The following EPC2 variants were observed in gnomAD, a reference collection of about 807,000 sequenced individuals.
EPC2 encodes enhancer of polycomb homolog 2.
EPC2 carries 14 observed loss-of-function variants against 92.1 expected under a neutral mutation model. The observed-to-expected ratio is 0.15, with a 90% CI of 0.10 to 0.24. The LOEUF is 0.24. EPC2 is among the 10% of genes least tolerant of loss of function. EPC2 has a pLI of 1.00. For missense variants in EPC2, 755 were observed against 971.5 expected, an observed-to-expected ratio of 0.78 and a Z score of 2.96; for synonymous variants, 340 against 334.7, an observed-to-expected ratio of 1.02 and a Z score of -0.17.
At chr2:148,647,410 T>C (rs1224248842) in intron 1 of EPC2, among the ~76,000 whole-genome samples, 7 of 151,688 alleles carry the variant, frequency 4.6e-5, no homozygotes, top group African/African-American at 1.7e-4. Context: ...CAGGTTCAGG[T>C]GATTTTCCTG....
At chr2:148,709,497 T>C (rs566391372) in intron 2 of EPC2, among the ~76,000 whole-genome samples, 50 of 152,282 alleles carry the variant, frequency 3.3e-4, no homozygotes, top group African/African-American at 1.0e-3. Flanking sequence ...AAAACTACTT[T>C]AAAGTTCATA....
At position 148,782,398 on chromosome 2, in the gene EPC2, A is replaced by T. The variant is rs537236180; in HGVS notation, c.1857+618A>T. 2.6e-5 allele frequency among the ~76,000 whole-genome samples: 4 copies of T among 152,148 alleles called. No homozygotes were observed. In the South Asian group the frequency reaches 6.2e-4, roughly 24 times the overall value. On this transcript the variant is annotated intron_variant, in intron 11 of 13. Transcript: ENST00000258484. ...CTAAAAATACAAAAACTAACTGGGC[A>T]TGGTGGTGAATACCTGTAAGCCCAG... is the stretch of plus-strand genomic sequence containing the variant.
At chr2:148,697,003 T>G (rs928659251) in intron 2 of EPC2, among the ~76,000 whole-genome samples, 2 of 152,268 alleles carry the variant, frequency 1.3e-5, no homozygotes, top group Non-Finnish European at 2.9e-5. Flanking sequence ...CCTCTGTATT[T>G]ACATCCTGTT....
At chr2:148,695,704 G>A (rs1681733920) in intron 2 of EPC2, among the ~76,000 whole-genome samples, 1 of 152,154 alleles carries the variant, frequency 6.6e-6, no homozygotes. Flanking sequence ...GCATTGTTTT[G>A]TTTATACAGT....
chr2:148,645,301 A>C, intron 1 of EPC2, 131 bp downstream of exon 1: 1 of 807,348 alleles, frequency 1.2e-6, no homozygotes, highest in Non-Finnish European at 1.9e-6. Flanking sequence ...ACGGGACTCT[A>C]CGCCGGCGGA....
rs541842602 is a variant in EPC2 at position 148,734,911 on chromosome 2, T to G, written c.314-8711T>G. ...CTGAGTATAATTTCATGTTCTACAG[T>G]TTTTTTTTTATCATTGAAGGACATT... On this transcript the variant is annotated intron_variant, in intron 2 of 13. Transcript: ENST00000258484. 3.2e-4 allele frequency among the ~76,000 whole-genome samples: 48 copies of G among 147,702 alleles called. No individual in the cohort carries two copies. In the South Asian group the frequency reaches 9.6e-3, roughly 30 times the overall value.
At chr2:148,763,024 CTATATAA>C in intron 6 of EPC2, among the ~76,000 whole-genome samples, 1 of 152,186 alleles carries the variant, frequency 6.6e-6, no homozygotes, top group South Asian at 2.1e-4. Flanking sequence ...TGTGTGACTT[CTATATAA>C]TAGCTAGTAA....
chr2:148,785,051 G>C, intron 13 of EPC2, 50 bp downstream of exon 13: 6 of 1,422,654 alleles, frequency 4.2e-6, no homozygotes, highest in Non-Finnish European at 5.5e-6. Context: ...TGGCTGTCCT[G>C]TGGGAAGAAA....
In EPC2 at chr2:148,674,356, A is replaced by G. The variant is rs556371038; in HGVS notation, c.154-15858A>G. Among the ~76,000 whole-genome samples the G allele has an allele frequency of 3.3e-5, 5 of 152,264 alleles. No individual in the cohort carries two copies. In the East Asian group the frequency reaches 7.7e-4, roughly 23 times the overall value. On this transcript the variant is annotated intron_variant, in intron 1 of 13. Transcript: ENST00000258484. ...GTTTCCAAAGTATGTTGGTTAAGTC[A>G]GTGCTTCAAGTCAGGAAGACAGAAT...
intron 10 of EPC2, among the ~76,000 whole-genome samples, chr2:148,776,346 T>C (rs1346601676): frequency 5.9e-5 from 9 of 152,336 alleles, no homozygotes; most frequent in Non-Finnish European, 1.2e-4. Flanking sequence ...ATTGTAAATA[T>C]TTGGCTTGGG....
intron 3 of EPC2, among the ~76,000 whole-genome samples, chr2:148,746,130 C>T (rs1416672301): frequency 1.3e-5 from 2 of 151,992 alleles, no homozygotes; most frequent in Non-Finnish European, 2.9e-5. Context: ...TCTTGAAATT[C>T]TGTTCTTGGT....
In EPC2 at chr2:148,761,893, G is replaced by A; in HGVS notation, c.778G>A (p.Glu260Lys). The A allele has an allele frequency of 1.3e-6, 2 of 1,598,676 alleles. No homozygotes were observed. Among genetic ancestry groups the A allele is most frequent in the Non-Finnish European group, 1.7e-6 (2 of 1,174,764 alleles). The change falls in exon 5 of 14, where the codon GAA becomes AAA. Residue 260 changes from glutamate to lysine, a missense_variant. By Grantham distance (56) the Glu-to-Lys change is moderately conservative (BLOSUM62 1). Around this residue, in one of 4 missense-constraint regions of EPC2, gnomAD observed 509 missense variants for 607.7 expected, o/e 0.84. Coordinates refer to ENST00000258484, the MANE Select transcript of EPC2 (RefSeq NM_015630.4). The stretch of plus-strand genomic sequence containing the variant: ...TAAGAGAAGAGAGAAAACAAAACGA[G>A]AATTATTGCACTTAACCTTAGAAGT... ...MIKRREKTKR[E>K]LLHLTLEVVE... is the part of the protein sequence containing the mutation.
At chr2:148,683,597 A>G (rs900031183) in intron 1 of EPC2, among the ~76,000 whole-genome samples, 1 of 152,074 alleles carries the variant, frequency 6.6e-6, no homozygotes, top group Admixed American at 6.5e-5. Flanking sequence ...TTGCATCCTC[A>G]TAGCTTAGCT....
chr2:148,729,341 G>A (rs1239316689), intron 2 of EPC2, among the ~76,000 whole-genome samples: 3 of 151,882 alleles, frequency 2.0e-5, no homozygotes, highest in Non-Finnish European at 2.9e-5. Context: ...CTTTTATTTC[G>A]GAAAATTTTT....
chr2:148,754,614 GA>G (rs1683146867), intron 4 of EPC2, among the ~76,000 whole-genome samples: 1 of 152,182 alleles, frequency 6.6e-6, no homozygotes, highest in Admixed American at 6.5e-5. Flanking sequence ...TCTTCCAAGT[GA>G]AAATGGACCT....
At chr2:148,742,096 C>G (rs1682889341) in intron 2 of EPC2, among the ~76,000 whole-genome samples, 1 of 152,050 alleles carries the variant, frequency 6.6e-6, no homozygotes, top group Non-Finnish European at 1.5e-5. Flanking sequence ...CTATATATTC[C>G]ATGTATGTGT....
At chr2:148,755,739 A>G (rs1221400756) in intron 4 of EPC2, among the ~76,000 whole-genome samples, 1 of 152,136 alleles carries the variant, frequency 6.6e-6, no homozygotes, top group African/African-American at 2.4e-5. Flanking sequence ...CTAACAACAC[A>G]TTTCTCAGAT....
intron 2 of EPC2, among the ~76,000 whole-genome samples, chr2:148,739,159 T>C (rs545129371): frequency 6.6e-6 from 1 of 152,352 alleles, no homozygotes; most frequent in East Asian, 1.9e-4. Context: ...TTCTAAACTT[T>C]TCCCTCCTGG....
intron 6 of EPC2, among the ~76,000 whole-genome samples, chr2:148,763,280 CTT>C (rs1172587757): frequency 1.3e-5 from 2 of 152,084 alleles, no homozygotes; most frequent in African/African-American, 4.8e-5. Flanking sequence ...CCTTGAGTGA[CTT>C]TGAGAAAGTC....
Sources: allele counts gnomAD v4.1 joint callset (sites outside exome capture counted in the v4.1 genomes callset), GRCh38; gene constraint gnomAD v4.1.1; regional missense constraint gnomAD v4.1.1; transcripts MANE v1.5; gene names NCBI Gene and HGNC (gene_info 2026-07-23, HGNC 2026-07-21).